SLIT2: variants seen among roughly 807,000 people sequenced by gnomAD.
The protein encoded by SLIT2 is slit guidance ligand 2.
In SLIT2, 41 loss-of-function variants were observed where a neutral mutation model predicts 185.7. The observed-to-expected ratio is 0.22, with a 90% CI of 0.17 to 0.29. The LOEUF is 0.29. SLIT2 is among the 10% of genes least tolerant of loss of function. The probability of loss-of-function intolerance (pLI) is 1.00; values close to 1 mark genes in which losing one functional copy is unlikely to be tolerated. For synonymous variants in SLIT2, 693 were observed against 680.2 expected (o/e 1.02, Z -0.29); for missense variants, 1,571 against 1,909.0 (o/e 0.82, Z 3.30).
intron 4 of SLIT2, among the ~76,000 whole-genome samples, chr4:20,368,756 C>A (rs1386011746): frequency 6.6e-6 from 1 of 152,060 alleles, no homozygotes; most frequent in African/African-American, 2.4e-5. Flanking sequence ...ATTAAGGCAA[C>A]CTCTACTTTT....
chr4:20,371,549 C>A (rs1723577616), intron 4 of SLIT2, among the ~76,000 whole-genome samples: 2 of 152,060 alleles, frequency 1.3e-5, no homozygotes, highest in African/African-American at 4.8e-5. Flanking sequence ...TTTTCTTCAA[C>A]AGTTGCTAGG....
At chr4:20,512,248 A>G (rs1719826253) in intron 11 of SLIT2, among the ~76,000 whole-genome samples, 1 of 152,048 alleles carries the variant, frequency 6.6e-6, no homozygotes, top group Non-Finnish European at 1.5e-5. Context: ...CATGTGCGAG[A>G]CCCAGATAAA....
At chr4:20,299,740 C>T (rs1199123281) in intron 4 of SLIT2, among the ~76,000 whole-genome samples, 1 of 151,742 alleles carries the variant, frequency 6.6e-6, no homozygotes, top group South Asian at 2.1e-4. Context: ...GAGCCAATTC[C>T]ATATTCTATT....
chr4:20,361,176 C>T (rs763329958), intron 4 of SLIT2, among the ~76,000 whole-genome samples: 1 of 151,914 alleles, frequency 6.6e-6, no homozygotes, highest in Non-Finnish European at 1.5e-5. Flanking sequence ...CAAACGATAT[C>T]CTAAAGGTCT....
chr4:20,524,032 C>T lies in SLIT2; in HGVS notation c.1293C>T (p.Pro431=), dbSNP rs1156875435. 3 of 1,614,066 alleles carry T rather than the reference C, an allele frequency of 1.9e-6. No homozygotes were observed. Among genetic ancestry groups the T allele is most frequent in the East Asian group, 4.5e-5 (2 of 44,890 alleles). The change falls in exon 14 of 37, where the codon CCC becomes CCT. Residue 431 remains proline (P), a synonymous_variant. Coordinates refer to ENST00000504154, the MANE Select transcript of SLIT2 (RefSeq NM_004787.4). ...AIQTMHLAQN[P]FICDCHLKWL... ...TCCAAAGGCATTTGGCCCAGAACCC[C>T]TTTATTTGTGACTGCCATCTCAAGT...
intron 4 of SLIT2, among the ~76,000 whole-genome samples, chr4:20,408,494 A>G (rs1345124425): frequency 6.6e-6 from 1 of 152,064 alleles, no homozygotes; most frequent in Non-Finnish European, 1.5e-5. Context: ...GCCCAAAGCC[A>G]TCCCTGATCC....
At position 20,507,878 on chromosome 4, in the gene SLIT2, A is replaced by T. The variant is rs149803275; in HGVS notation, c.915-2617A>T. On this transcript the variant is annotated intron_variant, in intron 9 of 36. Coordinates refer to ENST00000504154, the MANE Select transcript of SLIT2 (RefSeq NM_004787.4). ...TACTTAATTGACCAAGACATGAAGA[A>T]TCTTCCAGCGAATCAATATTATTTC... is the stretch of plus-strand genomic sequence containing the variant. Among the ~76,000 whole-genome samples the T allele has an allele frequency of 5.5e-3, 832 of 152,044 alleles. 12 individuals are homozygous for T. Among genetic ancestry groups the T allele is most frequent in the African/African-American group, 0.019 (778 of 41,542 alleles).
chr4:20,588,647 A>G (rs1252215362), intron 29 of SLIT2, among the ~76,000 whole-genome samples: 1 of 152,246 alleles, frequency 6.6e-6, no homozygotes, highest in Non-Finnish European at 1.5e-5. Context: ...ATACCTTTCC[A>G]GTCACCTTAA....
chr4:20,506,268 A>G (rs1047201043), intron 9 of SLIT2, among the ~76,000 whole-genome samples: 20 of 151,992 alleles, frequency 1.3e-4, no homozygotes, highest in African/African-American at 4.8e-4. Context: ...GAAACTCAAG[A>G]TATTGAATTT....
chr4:20,586,394 A>T (rs530810130), intron 29 of SLIT2, among the ~76,000 whole-genome samples: 1 of 152,304 alleles, frequency 6.6e-6, no homozygotes, highest in African/African-American at 2.4e-5. Flanking sequence ...AAAAAGCATG[A>T]TTCCTCCTTT....
intron 32 of SLIT2, among the ~76,000 whole-genome samples, chr4:20,597,491 G>A (rs1369582597): frequency 6.6e-6 from 1 of 152,118 alleles, no homozygotes; most frequent in Non-Finnish European, 1.5e-5. Context: ...AGATCCCTAT[G>A]GAAGAAGCTG....
At chr4:20,296,374 T>C (rs1716478196) in intron 4 of SLIT2, among the ~76,000 whole-genome samples, 1 of 152,242 alleles carries the variant, frequency 6.6e-6, no homozygotes, top group Non-Finnish European at 1.5e-5. Flanking sequence ...ACCATGGCAT[T>C]ACCTTTCCTT....
chr4:20,502,342 A>G (rs1023527986), intron 9 of SLIT2, among the ~76,000 whole-genome samples: 8 of 152,208 alleles, frequency 5.3e-5, no homozygotes, highest in African/African-American at 1.7e-4. Flanking sequence ...CACAAGAAGC[A>G]CATGCAGAAA....
At chr4:20,413,367 A>T (rs1727403515) in intron 4 of SLIT2, among the ~76,000 whole-genome samples, 1 of 152,004 alleles carries the variant, frequency 6.6e-6, no homozygotes, top group African/African-American at 2.4e-5. Context: ...TTAAATTGAG[A>T]CTTGTTCCGG....
intron 4 of SLIT2, among the ~76,000 whole-genome samples, chr4:20,279,404 TC>T (rs1490275728): frequency 5.3e-5 from 8 of 152,200 alleles, no homozygotes. Context: ...TTTCTGGACT[TC>T]TTTCTTTCCT....
chr4:20,560,710 G>A (rs567812734), intron 26 of SLIT2, among the ~76,000 whole-genome samples: 3 of 151,972 alleles, frequency 2.0e-5, no homozygotes, highest in African/African-American at 7.2e-5. Flanking sequence ...TTATTTGAAA[G>A]ACATTTATTA....
intron 10 of SLIT2, 57 bp from the exon 11 acceptor site, chr4:20,511,009 G>T: frequency 9.1e-7 from 1 of 1,099,094 alleles, no homozygotes; most frequent in Admixed American, 1.7e-5. Flanking sequence ...AGCTTTTTCC[G>T]CAGTAAATCT....
intron 5 of SLIT2, among the ~76,000 whole-genome samples, chr4:20,474,557 G>C (rs557145214): frequency 6.6e-6 from 1 of 152,148 alleles, no homozygotes; most frequent in African/African-American, 2.4e-5. Context: ...CAAAACACAA[G>C]ATAGTCTGAT....
intron 4 of SLIT2, among the ~76,000 whole-genome samples, chr4:20,441,946 T>A (rs1014359380): frequency 3.3e-4 from 50 of 152,186 alleles, no homozygotes; most frequent in Non-Finnish European, 4.0e-4. Context: ...CATATTTTTT[T>A]AAAGTAATTT....
Sources: gnomAD v4.1 joint callset for allele counts (sites outside exome capture counted in the v4.1 genomes callset) on GRCh38, gnomAD v4.1.1 for gene constraint, MANE v1.5 for transcripts, NCBI Gene and HGNC (gene_info 2026-07-23, HGNC 2026-07-21) for gene names.